The following CTNNA3 variants were observed in gnomAD, a reference collection of about 807,000 sequenced individuals.
CTNNA3 encodes catenin alpha-3.
Under a neutral mutation model 95.7 loss-of-function variants are expected in CTNNA3, and 76 were observed. That is an observed-to-expected ratio of 0.79 (90% CI 0.66 to 0.96). The LOEUF is 0.96. Among genes scored for constraint, CTNNA3 ranks in the 40% least tolerant of loss-of-function variants. The pLI is 0.00. For missense variants in CTNNA3, 1,191 were observed against 1,089.8 expected (o/e 1.09, Z -1.31); for synonymous variants, 431 against 374.4 (o/e 1.15, Z -1.74).
At chr10:67,267,951 T>C (rs973400809) in intron 5 of CTNNA3, among the ~76,000 whole-genome samples, 4 of 152,178 alleles carry the variant, frequency 2.6e-5, no homozygotes, top group Non-Finnish European at 5.9e-5. Flanking sequence ...TAAAAATAGT[T>C]GTCTCTGGAA....
chr10:66,733,371 T>C (rs931904027), intron 9 of CTNNA3, among the ~76,000 whole-genome samples: 1 of 152,004 alleles, frequency 6.6e-6, no homozygotes, highest in African/African-American at 2.4e-5. Context: ...TATTCCTTAA[T>C]TTATAACATA....
At chr10:67,669,894 G>A (rs574233423) in intron 1 of CTNNA3, among the ~76,000 whole-genome samples, 5 of 152,214 alleles carry the variant, frequency 3.3e-5, no homozygotes, top group Non-Finnish European at 2.9e-5. Flanking sequence ...CTCCATCCAC[G>A]TTAATAATTT....
chr10:67,581,967 T>C (rs1164804112), intron 3 of CTNNA3, among the ~76,000 whole-genome samples: 1 of 152,136 alleles, frequency 6.6e-6, no homozygotes, highest in Non-Finnish European at 1.5e-5. Context: ...TTATTTGTCT[T>C]GATAGCGGTC....
Position 66,066,604 on chromosome 10 carries a change from T to C in CTNNA3, c.2159+2704A>G, listed in dbSNP as rs148864181. 6.9e-4 allele frequency among the ~76,000 whole-genome samples: 105 copies of C among 152,212 alleles called. 1 individual carries two copies. The highest frequency in any genetic ancestry group is 2.4e-3 in the African/African-American group (99 of 41,538). On this transcript the variant is annotated intron_variant, in intron 15 of 17. Transcript: ENST00000433211. Reference sequence around the variant, plus strand: ...AGTTGGAAAAATGGCAAGAGTTAAGTGCAAAAAATAGAAATAGACATTTAA... The same window carrying C: ...AGTTGGAAAAATGGCAAGAGTTAAGCGCAAAAAATAGAAATAGACATTTAA...
At chr10:67,400,889 T>C (rs1057299660) in intron 5 of CTNNA3, among the ~76,000 whole-genome samples, 1 of 152,140 alleles carries the variant, frequency 6.6e-6, no homozygotes, top group Non-Finnish European at 1.5e-5. Context: ...AATTTACAAC[T>C]AAATTAAGAA....
intron 14 of CTNNA3, among the ~76,000 whole-genome samples, chr10:66,101,203 G>C (rs2081615919): frequency 6.6e-6 from 1 of 152,104 alleles, no homozygotes; most frequent in African/African-American, 2.4e-5. Context: ...AACTAGATTT[G>C]AAGGAAACTA....
chr10:66,982,095 G>T (rs1661468932), intron 7 of CTNNA3, among the ~76,000 whole-genome samples: 1 of 152,084 alleles, frequency 6.6e-6, no homozygotes, highest in Non-Finnish European at 1.5e-5. Context: ...CCACGAAAAA[G>T]GATAAGCCAT....
At chr10:66,705,587 G>A (rs996695554) in intron 9 of CTNNA3, among the ~76,000 whole-genome samples, 1 of 151,938 alleles carries the variant, frequency 6.6e-6, no homozygotes, top group Admixed American at 6.6e-5. Context: ...ATTTTGGTTT[G>A]AATGTTCTAT....
At chr10:67,386,122 A>T (rs1844151480) in intron 5 of CTNNA3, among the ~76,000 whole-genome samples, 2 of 152,220 alleles carry the variant, frequency 1.3e-5, no homozygotes, top group Admixed American at 1.3e-4. Context: ...TAACTTCCAA[A>T]TAAAACTTAC....
chr10:66,878,606 T>C (rs751866487), intron 7 of CTNNA3, among the ~76,000 whole-genome samples: 3 of 152,114 alleles, frequency 2.0e-5, no homozygotes, highest in Non-Finnish European at 4.4e-5. Context: ...CCATAGCCAT[T>C]ATAACCCTAC....
rs1432942898 is a variant in CTNNA3 at position 65,920,312 on chromosome 10, A to G, written c.*18T>C. The G allele has an allele frequency of 6.2e-6, 10 of 1,603,730 alleles. No homozygotes were observed. The highest frequency in any genetic ancestry group is 2.2e-5 in the South Asian group (2 of 90,260). On this transcript the variant is annotated 3_prime_UTR_variant, in exon 18 of 18. Coordinates refer to ENST00000433211, the MANE Select transcript of CTNNA3 (RefSeq NM_013266.4). Reference sequence around the variant, plus strand: ...GGCAGGATTTTGTCATATAGGCACTATATGTAGAATAGTGGTTTCAGTAGA... The same window carrying G: ...GGCAGGATTTTGTCATATAGGCACTGTATGTAGAATAGTGGTTTCAGTAGA...
chr10:66,848,294 G>C (rs1843353260), intron 7 of CTNNA3, among the ~76,000 whole-genome samples: 1 of 152,150 alleles, frequency 6.6e-6, no homozygotes, highest in Admixed American at 6.6e-5. Context: ...TTATGCCCAG[G>C]CAAGTTCAAG....
chr10:66,724,216 A>G (rs907866565), intron 9 of CTNNA3, among the ~76,000 whole-genome samples: 1 of 152,180 alleles, frequency 6.6e-6, no homozygotes, highest in Non-Finnish European at 1.5e-5. Flanking sequence ...TAGTTAGCTC[A>G]TTAAATGTTC....
At chr10:66,233,239 T>G (rs2089682448) in intron 13 of CTNNA3, among the ~76,000 whole-genome samples, 2 of 151,286 alleles carry the variant, frequency 1.3e-5, no homozygotes, top group African/African-American at 4.9e-5. Context: ...ACAATAAAGT[T>G]TCTACACAGT....
At chr10:66,088,413 A>G (rs1024823946) in intron 14 of CTNNA3, among the ~76,000 whole-genome samples, 8 of 151,338 alleles carry the variant, frequency 5.3e-5, no homozygotes, top group African/African-American at 1.5e-4. Flanking sequence ...CATGATTTAG[A>G]TCTGGTATCA....
chr10:66,805,820 C>T (rs916723408), intron 7 of CTNNA3, among the ~76,000 whole-genome samples: 5 of 151,982 alleles, frequency 3.3e-5, no homozygotes, highest in African/African-American at 9.7e-5. Flanking sequence ...AAGAAATGCA[C>T]ATCTGTGTTT....
chr10:66,343,830 A>C (rs953039575), intron 12 of CTNNA3, among the ~76,000 whole-genome samples: 2 of 152,034 alleles, frequency 1.3e-5, no homozygotes, highest in African/African-American at 4.8e-5. Flanking sequence ...CTATGTACTC[A>C]TAAGTATGTG....
chr10:67,537,774 T>C (rs1840531183), intron 4 of CTNNA3, among the ~76,000 whole-genome samples: 1 of 152,188 alleles, frequency 6.6e-6, no homozygotes. Flanking sequence ...ATTTCTTGTT[T>C]ACAGCATTTG....
At chr10:66,750,969 T>C (rs1213440040) in intron 9 of CTNNA3, among the ~76,000 whole-genome samples, 1 of 152,138 alleles carries the variant, frequency 6.6e-6, no homozygotes, top group Non-Finnish European at 1.5e-5. Context: ...TGATAATATG[T>C]TTTTAATTTA....
Sources: allele counts gnomAD v4.1 joint callset (sites outside exome capture counted in the v4.1 genomes callset), GRCh38; gene constraint gnomAD v4.1.1; transcripts MANE v1.5; gene names NCBI Gene and HGNC (gene_info 2026-07-23, HGNC 2026-07-21).